AHNAK: variants seen among roughly 807,000 people sequenced by gnomAD.
AHNAK encodes the protein neuroblast differentiation-associated protein AHNAK.
AHNAK carries 23 observed loss-of-function variants against 37.8 expected under a neutral mutation model. That is an observed-to-expected ratio of 0.61 (90% CI 0.44 to 0.86). The LOEUF (loss-of-function observed/expected upper bound fraction) is 0.86, where lower values mean the gene tolerates loss of function less well. Among genes scored for constraint, AHNAK ranks in the 40% least tolerant of loss-of-function variants. The probability of loss-of-function intolerance (pLI) is 0.00; values close to 1 mark genes in which losing one functional copy is unlikely to be tolerated. For missense variants in AHNAK, 7,411 were observed against 7,319.4 expected (o/e 1.01, Z -0.46); for synonymous variants, 2,481 against 2,636.3 (o/e 0.94, Z 1.80).
chr11:62,546,495 C>T lies in AHNAK; in HGVS notation c.-100+165G>A, dbSNP rs182563823. Among the ~76,000 whole-genome samples, 509 of 152,358 alleles carry T rather than the reference C, an allele frequency of 3.3e-3. 2 individuals carry two copies. Among genetic ancestry groups the T allele is most frequent in the African/African-American group, 0.011 (477 of 41,586 alleles). ...GAGGCAGAACTCCGCTCCCAGAGAG[C>T]GACGCGTCGCCGCCCCGGGTGGCCC... On this transcript the variant is annotated intron_variant, in intron 1 of 4. Coordinates refer to ENST00000378024, the MANE Select transcript of AHNAK (RefSeq NM_001620.3).
chr11:62,529,527 T>TTCAATA lies in AHNAK; in HGVS notation c.4884_4889dup (p.Asp1628_Ile1629dup), dbSNP rs1025757074. On this transcript the variant is annotated inframe_insertion, in exon 5 of 5. Coordinates refer to ENST00000378024, the MANE Select transcript of AHNAK (RefSeq NM_001620.3). Reference sequence around the variant, plus strand: ...GGCCCTTCAACTTCCCTTCTGGACCTTCAATATCAATATCACCAACATTCA... The same window carrying TTCAATA: ...GGCCCTTCAACTTCCCTTCTGGACCTTCAATATCAATATCAATATCACCAACATTCA... 2 of 1,614,014 alleles carry TTCAATA rather than the reference T, an allele frequency of 1.2e-6. No homozygotes were observed. Among genetic ancestry groups the TTCAATA allele is most frequent in the Non-Finnish European group, 1.7e-6 (2 of 1,180,034 alleles).
At chr11:62,467,965 C>G (rs1938949245) in intron 5 of AHNAK, among the ~76,000 whole-genome samples, 1 of 152,182 alleles carries the variant, frequency 6.6e-6, no homozygotes. Flanking sequence ...GTGCCGGGGT[C>G]AAGGGCTCAA....
chr11:62,526,655 G>T lies in AHNAK; in HGVS notation c.7762C>A (p.Leu2588Met). ...KISMPDFDLHLKGPKVKGDVD... is the reference protein window; with the variant it reads ...KISMPDFDLHMKGPKVKGDVD... ...TCGCCCTTCACCTTGGGACCTTTCA[G>T]ATGCAAATCAAAGTCAGGCATGGAG... Residue 2588 changes from leucine to methionine, a missense_variant, in exon 5 of 5, where the codon CTG (leucine) becomes ATG (methionine). Transcript: ENST00000378024. The T allele has an allele frequency of 6.2e-7, 1 of 1,612,014 alleles. No individual in the cohort carries two copies. The highest frequency in any genetic ancestry group is 8.5e-7 in the Non-Finnish European group (1 of 1,179,578).
At chr11:62,466,770 G>T (rs1434025917) in intron 5 of AHNAK, among the ~76,000 whole-genome samples, 1 of 152,106 alleles carries the variant, frequency 6.6e-6, no homozygotes, top group African/African-American at 2.4e-5. Flanking sequence ...GTAAATATTT[G>T]TTAGATCAGT....
Position 62,520,001 on chromosome 11 carries a change from T to G in AHNAK, c.14416A>C (p.Lys4806Gln), listed in dbSNP as rs74942696. The change falls in exon 5 of 5, where the codon AAG becomes CAG. Residue 4806 changes from lysine (K) to glutamine (Q), a missense_variant. Physicochemically the swap from Lys to Gln is moderately conservative, Grantham distance 53 (BLOSUM62 1). Coordinates refer to ENST00000378024, the MANE Select transcript of AHNAK (RefSeq NM_001620.3). ...GGTCCCGAGACATCGATGTCGGCCT[T>G]GGGCAGGCTCACATCCACATCTGGA... Reference protein sequence around the residue: ...EGPDVDVSLPKADIDVSGPKV... With the variant: ...EGPDVDVSLPQADIDVSGPKV... 1 of 1,613,482 alleles carries G rather than the reference T, an allele frequency of 6.2e-7. No individual in the cohort carries two copies. The highest frequency in any genetic ancestry group is 2.2e-5 in the East Asian group (1 of 44,828).
At chr11:62,540,793 G>C (rs1272294160) in intron 1 of AHNAK, among the ~76,000 whole-genome samples, 1 of 152,236 alleles carries the variant, frequency 6.6e-6, no homozygotes, top group Non-Finnish European at 1.5e-5. Flanking sequence ...ACGTATGCCT[G>C]ACGCTGCGGG....
At chr11:62,476,536 A>G (rs1464202017) in intron 5 of AHNAK, among the ~76,000 whole-genome samples, 1 of 152,242 alleles carries the variant, frequency 6.6e-6, no homozygotes, top group Non-Finnish European at 1.5e-5. Flanking sequence ...AGAACTCAAC[A>G]TGGACATTGG....
chr11:62,518,011 C>G lies in AHNAK; in HGVS notation c.16406G>C (p.Gly5469Ala), dbSNP rs768688699. Residue 5469 changes from glycine to alanine, a missense_variant, in exon 5 of 5, where the codon GGT becomes GCT. By Grantham distance (60) the Gly-to-Ala change is moderately conservative. Transcript: ENST00000378024. Reference protein sequence around the residue: ...PKVKGSLGATGEIKGPTVGGG... With the variant: ...PKVKGSLGATAEIKGPTVGGG... ...TCCGACAGTGGGGCCTTTGATCTCA[C>G]CAGTGGCCCCAAGGCTCCCTTTCAC... The G allele has an allele frequency of 6.2e-7, 1 of 1,614,198 alleles. No homozygotes were observed. Among genetic ancestry groups the G allele is most frequent in the Non-Finnish European group, 8.5e-7 (1 of 1,180,046 alleles).
At chr11:62,452,296 G>A (rs1188757788) in intron 5 of AHNAK, among the ~76,000 whole-genome samples, 1 of 152,180 alleles carries the variant, frequency 6.6e-6, no homozygotes, top group Admixed American at 6.5e-5. Context: ...TGCAGCAAGA[G>A]GGAAACTGAG....
chr11:62,438,602 T>A (rs1038184151), intron 5 of AHNAK, among the ~76,000 whole-genome samples: 1 of 152,166 alleles, frequency 6.6e-6, no homozygotes, highest in Non-Finnish European at 1.5e-5. Flanking sequence ...CTTCTCCAGG[T>A]CTGAGGCTTG....
Position 62,528,507 on chromosome 11 carries a change from T to G in AHNAK, c.5910A>C (p.Ala1970=). The change falls in exon 5 of 5, where the codon GCA becomes GCC. Residue 1970 remains alanine (A), a synonymous_variant. Coordinates refer to ENST00000378024, the MANE Select transcript of AHNAK (RefSeq NM_001620.3). ...TCTTAAACTTGGGCCCTTTCAACTT[T>G]GCATCAGGACACTCCAGCTCAACAT... ...VPDVELECPD[A]KLKGPKFKMP... is the part of the protein sequence containing the mutation. The G allele has an allele frequency of 6.2e-7, 1 of 1,612,116 alleles. No individual in the cohort carries two copies. The highest frequency in any genetic ancestry group is 8.5e-7 in the Non-Finnish European group (1 of 1,179,646).
intron 4 of AHNAK, among the ~76,000 whole-genome samples, chr11:62,508,575 G>A (rs1939850706): frequency 6.6e-6 from 1 of 152,240 alleles, no homozygotes; most frequent in Non-Finnish European, 1.5e-5. Context: ...CCTCAAGCGT[G>A]TGGTGGAAAA....
chr11:62,546,559 C>G (rs551607826), intron 1 of AHNAK, 101 bp downstream of exon 1: 1 of 152,392 alleles, frequency 6.6e-6, no homozygotes, highest in African/African-American at 2.4e-5. Context: ...CAGTGACACC[C>G]CCAACAACGC....
intron 5 of AHNAK, among the ~76,000 whole-genome samples, chr11:62,451,839 G>GA (rs1938545458): frequency 8.6e-6 from 1 of 116,268 alleles, no homozygotes; most frequent in Non-Finnish European, 1.7e-5. Context: ...ACAGAGTCTT[G>GA]CTCTGTCACC....
intron 5 of AHNAK, among the ~76,000 whole-genome samples, chr11:62,470,698 A>ATCC (rs1939017986): frequency 6.6e-6 from 1 of 152,170 alleles, no homozygotes; most frequent in Non-Finnish European, 1.5e-5. Context: ...GGTGCTGATT[A>ATCC]AAGAGTCCGA....
intron 4 of AHNAK, among the ~76,000 whole-genome samples, chr11:62,504,357 GCTCC>G (rs1329515049): frequency 6.6e-6 from 1 of 151,862 alleles, no homozygotes; most frequent in African/African-American, 2.4e-5. Context: ...CCCACCTGGG[GCTCC>G]TCCCTCCTGC....
chr11:62,538,680 G>A (rs1290732793), intron 1 of AHNAK, among the ~76,000 whole-genome samples: 1 of 152,218 alleles, frequency 6.6e-6, no homozygotes, highest in African/African-American at 2.4e-5. Context: ...GTTAGACGGT[G>A]ACCTCACATC....
In AHNAK at chr11:62,522,417, C is replaced by T. The variant is rs532115290; in HGVS notation, c.12000G>A (p.Lys4000=). The T allele has an allele frequency of 2.7e-5, 43 of 1,614,088 alleles. No individual in the cohort carries two copies. The highest frequency in any genetic ancestry group is 3.1e-5 in the Non-Finnish European group (37 of 1,180,018). The part of the protein sequence containing the change: ...KMPEMNIKAP[K]ISMPDFDLHL... ...GCAAATCAAAGTCAGGCATGGAGAT[C>T]TTGGGGGCTTTGATGTTCATCTCTG... Residue 4000 remains lysine (K), a synonymous_variant, in exon 5 of 5, where the codon AAG becomes AAA. Transcript: ENST00000378024.
At chr11:62,439,373 G>GGC (rs1264239634) in intron 5 of AHNAK, among the ~76,000 whole-genome samples, 3 of 152,004 alleles carry the variant, frequency 2.0e-5, no homozygotes, top group Middle Eastern at 3.4e-3. Flanking sequence ...TGGGATTACA[G>GGC]GCGTGAGCCA....
Sources: allele counts gnomAD v4.1 joint callset (sites outside exome capture counted in the v4.1 genomes callset), GRCh38; gene constraint gnomAD v4.1.1; transcripts MANE v1.5; gene names NCBI Gene and HGNC (gene_info 2026-07-23, HGNC 2026-07-21).